FRMD4B: variants seen among roughly 807,000 people sequenced by gnomAD.
The protein encoded by FRMD4B is FERM domain-containing protein 4B.
A neutral mutation model predicts 141.5 loss-of-function variants in FRMD4B; 74 were observed. That is an observed-to-expected ratio of 0.52 (90% CI 0.43 to 0.63). The LOEUF is 0.63. Among genes scored for constraint, FRMD4B ranks in the 30% least tolerant of loss-of-function variants. The pLI is 0.00. For missense variants in FRMD4B, 1,366 were observed against 1,253.4 expected, an observed-to-expected ratio of 1.09 and a Z score of -1.36; for synonymous variants, 506 against 467.9, an observed-to-expected ratio of 1.08 and a Z score of -1.05.
upstream of FRMD4B, among the ~76,000 whole-genome samples, chr3:69,388,640 C>G (rs1193221369): frequency 6.6e-6 from 1 of 152,172 alleles, no homozygotes; most frequent in Non-Finnish European, 1.5e-5. Context: ...AACAAAGTCT[C>G]AATGTCCTCA....
intron 1 of FRMD4B, among the ~76,000 whole-genome samples, chr3:69,363,547 G>A (rs1037114188): frequency 3.3e-5 from 5 of 151,932 alleles, no homozygotes; most frequent in South Asian, 4.1e-4. Flanking sequence ...CTGCCACCAC[G>A]CCTGGCTAAT....
chr3:69,516,635 G>A (rs1027623093), intron 1 of FRMD4B, among the ~76,000 whole-genome samples: 9 of 152,282 alleles, frequency 5.9e-5, no homozygotes, highest in Middle Eastern at 3.4e-3. Context: ...ATAAATTTGC[G>A]CTTGTATTAA....
Position 69,196,923 on chromosome 3 carries a change from A to G in FRMD4B, c.1069T>C (p.Tyr357His). The change falls in exon 13 of 23, where the codon TAC (tyrosine) becomes CAC (histidine). Residue 357 changes from tyrosine (Y) to histidine (H), a missense_variant. By Grantham distance (83) the Tyr-to-His change is moderately conservative. Transcript: ENST00000398540. ...WVMAISQHQFYLDRKQSKAKI... is the reference protein window; with the variant it reads ...WVMAISQHQFHLDRKQSKAKI... ...ACTTTGCTTTGCTTCCGGTCCAAGTAAAACTGATGCTGACTAATTGCCATT... is the reference window on the plus strand; with the variant it reads ...ACTTTGCTTTGCTTCCGGTCCAAGTGAAACTGATGCTGACTAATTGCCATT... 1.2e-6 allele frequency: 2 copies of G among 1,611,714 alleles called. No individual in the cohort carries two copies. Among genetic ancestry groups the G allele is most frequent in the Non-Finnish European group, 1.7e-6 (2 of 1,177,914 alleles).
chr3:69,434,140 G>A (rs1254560170), intron 1 of FRMD4B, among the ~76,000 whole-genome samples: 1 of 152,166 alleles, frequency 6.6e-6, no homozygotes, highest in Non-Finnish European at 1.5e-5. Context: ...CTAATGTCAC[G>A]TGCAAAGAAC....
At chr3:69,530,994 G>C (rs1323807666) in intron 1 of FRMD4B, among the ~76,000 whole-genome samples, 2 of 152,204 alleles carry the variant, frequency 1.3e-5, no homozygotes, top group African/African-American at 2.4e-5. Context: ...AGGAGAAATA[G>C]AAGAAGTATA....
At chr3:69,511,235 T>TC (rs1173516023) in intron 1 of FRMD4B, among the ~76,000 whole-genome samples, 1 of 152,136 alleles carries the variant, frequency 6.6e-6, no homozygotes, top group African/African-American at 2.4e-5. Context: ...TTCATTTTTT[T>TC]TCCCTAAGGC....
intron 1 of FRMD4B, among the ~76,000 whole-genome samples, chr3:69,479,937 C>G (rs1283627333): frequency 6.6e-6 from 1 of 152,190 alleles, no homozygotes; most frequent in Non-Finnish European, 1.5e-5. Context: ...AACTTCCCTT[C>G]TCGCTTCATT....
At chr3:69,190,221 G>T (rs116813864) in intron 17 of FRMD4B, among the ~76,000 whole-genome samples, 12 of 152,158 alleles carry the variant, frequency 7.9e-5, no homozygotes, top group Non-Finnish European at 1.5e-4. Context: ...AGTTTTCGGT[G>T]TTTCTTCTAC....
chr3:69,185,300 C>CAAAAAAAAAAAA (rs1237352393), intron 19 of FRMD4B, among the ~76,000 whole-genome samples: 1 of 67,942 alleles, frequency 1.5e-5, no homozygotes, highest in Non-Finnish European at 3.2e-5. Flanking sequence ...GACTCCGTCT[C>CAAAAAAAAAAAA]AAAAAAAAAA....
chr3:69,204,800 T>C (rs2093006616), intron 11 of FRMD4B, among the ~76,000 whole-genome samples: 1 of 152,162 alleles, frequency 6.6e-6, no homozygotes. Flanking sequence ...GCTGGAGCAC[T>C]AAGATGTTGC....
intron 1 of FRMD4B, among the ~76,000 whole-genome samples, chr3:69,458,564 C>A (rs555105093): frequency 2.0e-5 from 3 of 152,180 alleles, no homozygotes; most frequent in Admixed American, 2.0e-4. Context: ...GCTAATTAAC[C>A]ATGTTACAGG....
chr3:69,209,415 T>C (rs2093054866), intron 11 of FRMD4B, among the ~76,000 whole-genome samples: 1 of 152,134 alleles, frequency 6.6e-6, no homozygotes, highest in Non-Finnish European at 1.5e-5. Context: ...TTTCTATAAA[T>C]TAAAGTATGG....
chr3:69,263,817 CTT>C (rs3032130), intron 5 of FRMD4B, among the ~76,000 whole-genome samples: 10,663 of 66,510 alleles, frequency 0.16, 119 homozygotes, highest in East Asian at 0.33. Context: ...AACCCCATTC[CTT>C]TTTTTTTTTT....
Position 69,350,838 on chromosome 3 carries a change from G to A in FRMD4B, c.162+34990C>T, listed in dbSNP as rs182969299. The stretch of plus-strand genomic sequence containing the variant: ...GGGGCCTGCCTTGGGGTGTGGGGAG[G>A]GGGGAGGGGGGAGGGATAGCATTAG... On this transcript the variant is annotated intron_variant, in intron 1 of 22. Transcript: ENST00000398540. Among the ~76,000 whole-genome samples, 931 of 137,598 alleles carry A rather than the reference G, an allele frequency of 6.8e-3. 13 individuals are homozygous for A. The highest frequency in any genetic ancestry group is 0.023 in the African/African-American group (869 of 37,134). 90.3% of individuals were successfully genotyped at this position (137,598 alleles called of 152,430 possible).
chr3:69,475,717 T>C lies in FRMD4B; in HGVS notation c.-128-42956A>G, dbSNP rs564059771. 3.9e-5 allele frequency among the ~76,000 whole-genome samples: 6 copies of C among 152,164 alleles called. No individual in the cohort carries two copies. In the East Asian group the frequency reaches 7.7e-4, roughly 20 times the overall value. ...CATGATTTATAATCCTTTGGGTATA[T>C]ACCCAGTAATGGGATGGCTGGGTCA... On this transcript the variant is annotated intron_variant, in intron 1 of 5. Transcript: ENST00000459638.
At chr3:69,211,244 C>A (rs1038128238) in intron 11 of FRMD4B, among the ~76,000 whole-genome samples, 2 of 152,086 alleles carry the variant, frequency 1.3e-5, no homozygotes, top group African/African-American at 4.8e-5. Context: ...CAGTTGGTGG[C>A]AATACCCTTG....
chr3:69,410,248 C>T (rs1278294203), intron 2 of FRMD4B, among the ~76,000 whole-genome samples: 1 of 152,152 alleles, frequency 6.6e-6, no homozygotes, highest in African/African-American at 2.4e-5. Flanking sequence ...TTTCAAGTTC[C>T]AAAAGCAGGT....
intron 1 of FRMD4B, among the ~76,000 whole-genome samples, chr3:69,460,695 G>C (rs902519689): frequency 6.6e-6 from 1 of 152,116 alleles, no homozygotes; most frequent in African/African-American, 2.4e-5. Context: ...AGCAACCATA[G>C]ACAATATGGA....
At chr3:69,531,988 A>G (rs1382346997) in intron 1 of FRMD4B, among the ~76,000 whole-genome samples, 1 of 152,240 alleles carries the variant, frequency 6.6e-6, no homozygotes, top group Non-Finnish European at 1.5e-5. Flanking sequence ...TTCTCTTAAA[A>G]ATACAAATTG....
Sources: gnomAD v4.1 joint callset for allele counts (sites outside exome capture counted in the v4.1 genomes callset) on GRCh38, gnomAD v4.1.1 for gene constraint, MANE v1.5 for transcripts, NCBI Gene and HGNC (gene_info 2026-07-23, HGNC 2026-07-21) for gene names.